The following PITPNC1 variants were observed in gnomAD, a reference collection of about 807,000 sequenced individuals.
The protein encoded by PITPNC1 is phosphatidylinositol transfer protein cytoplasmic 1.
A neutral mutation model predicts 44.7 loss-of-function variants in PITPNC1; 18 were observed. That is an observed-to-expected ratio of 0.40 (90% CI 0.28 to 0.60). The LOEUF is 0.60. Ranked by LOEUF, PITPNC1 falls within the 20% of genes least tolerant of loss-of-function variation. The pLI is 0.39. For synonymous variants in PITPNC1, 141 were observed against 149.6 expected (o/e 0.94, Z 0.42); for missense variants, 290 against 418.4 (o/e 0.69, Z 2.68).
At chr17:67,673,427 T>C (rs904086782) in intron 7 of PITPNC1, among the ~76,000 whole-genome samples, 4 of 152,086 alleles carry the variant, frequency 2.6e-5, no homozygotes, top group African/African-American at 7.2e-5. Flanking sequence ...ACAAATGGTA[T>C]ATACTATTTT....
At chr17:67,523,912 A>G (rs2916128) in intron 1 of PITPNC1, among the ~76,000 whole-genome samples, 84,228 of 150,234 alleles carry the variant, frequency 0.56, 23,913 homozygotes, top group East Asian at 0.76. Context: ...CCCGGGTTCA[A>G]GTGATTCTCC....
At chr17:67,566,235 G>A (rs912110036) in intron 4 of PITPNC1, among the ~76,000 whole-genome samples, 6 of 152,042 alleles carry the variant, frequency 3.9e-5, no homozygotes, top group Admixed American at 3.3e-4. Flanking sequence ...ACAGGGGCTT[G>A]CTCTGTCACC....
chr17:67,571,322 T>C (rs2041054126), intron 4 of PITPNC1, among the ~76,000 whole-genome samples: 1 of 152,146 alleles, frequency 6.6e-6, no homozygotes, highest in Non-Finnish European at 1.5e-5. Context: ...ATCCCAGCTG[T>C]TCAGGAGGCT....
intron 1 of PITPNC1, among the ~76,000 whole-genome samples, chr17:67,452,071 CA>C (rs1219223502): frequency 2.6e-5 from 4 of 152,016 alleles, no homozygotes; most frequent in African/African-American, 9.6e-5. Flanking sequence ...AGAGTGCAAT[CA>C]CAGTTCACTG....
chr17:67,583,865 TTGTGTGTG>T (rs771258752), intron 5 of PITPNC1, among the ~76,000 whole-genome samples: 2 of 118,346 alleles, frequency 1.7e-5, no homozygotes, highest in Non-Finnish European at 3.6e-5. Context: ...CTGGCTAATT[TTGTGTGTG>T]TGTGTGTGTG....
intron 2 of PITPNC1, among the ~76,000 whole-genome samples, chr17:67,546,479 CAT>C (rs2144153919): frequency 6.6e-6 from 1 of 152,196 alleles, no homozygotes; most frequent in East Asian, 1.9e-4. Flanking sequence ...TGTAGGAACT[CAT>C]AGAAACAGAA....
chr17:67,487,218 A>AGGC (rs2039792460), intron 1 of PITPNC1, among the ~76,000 whole-genome samples: 1 of 152,062 alleles, frequency 6.6e-6, no homozygotes, highest in Non-Finnish European at 1.5e-5. Flanking sequence ...TTTGTCACCC[A>AGGC]GGCGGAAGTG....
At chr17:67,587,469 G>C (rs1447325620) in intron 5 of PITPNC1, among the ~76,000 whole-genome samples, 1 of 151,764 alleles carries the variant, frequency 6.6e-6, no homozygotes, top group African/African-American at 2.4e-5. Flanking sequence ...ACTCCAGCCT[G>C]GGCAACAGAG....
intron 1 of PITPNC1, among the ~76,000 whole-genome samples, chr17:67,465,551 C>CT (rs1261966008): frequency 2.0e-5 from 3 of 152,246 alleles, no homozygotes; most frequent in East Asian, 1.9e-4. Flanking sequence ...GCAAAATCAG[C>CT]TTTTTTGTGG....
At chr17:67,489,372 G>A (rs1489630385) in intron 1 of PITPNC1, among the ~76,000 whole-genome samples, 2 of 152,182 alleles carry the variant, frequency 1.3e-5, no homozygotes, top group African/African-American at 2.4e-5. Context: ...AGCACAGAGA[G>A]GATCTCAGAA....
chr17:67,397,663 C>T (rs1186736797), intron 1 of PITPNC1, among the ~76,000 whole-genome samples: 2 of 152,110 alleles, frequency 1.3e-5, no homozygotes, highest in Admixed American at 6.5e-5. Flanking sequence ...TGGCTCAGAC[C>T]GGAGGACTTT....
At chr17:67,471,102 G>C (rs1943901349) in intron 1 of PITPNC1, among the ~76,000 whole-genome samples, 1 of 125,458 alleles carries the variant, frequency 8.0e-6, no homozygotes, top group Non-Finnish European at 1.6e-5. Context: ...GAAAACCAGA[G>C]ACCTTTGTTC....
chr17:67,416,775 A>G (rs2038595385), intron 1 of PITPNC1, among the ~76,000 whole-genome samples: 1 of 152,142 alleles, frequency 6.6e-6, no homozygotes. Flanking sequence ...GTGCCCTTAA[A>G]AGGAAATGCT....
At chr17:67,495,969 G>A (rs2039947166) in intron 1 of PITPNC1, among the ~76,000 whole-genome samples, 1 of 152,196 alleles carries the variant, frequency 6.6e-6, no homozygotes, top group African/African-American at 2.4e-5. Flanking sequence ...TTGGATGTAG[G>A]AAAGTTCATC....
intron 1 of PITPNC1, among the ~76,000 whole-genome samples, chr17:67,443,633 C>CTTTTT (rs5821477): frequency 2.4e-5 from 3 of 122,580 alleles, no homozygotes; most frequent in Non-Finnish European, 3.3e-5. Context: ...GGACACTGGT[C>CTTTTT]TTTTTTTTTT....
intron 5 of PITPNC1, among the ~76,000 whole-genome samples, chr17:67,598,444 C>T (rs12601811): frequency 6.6e-6 from 1 of 152,122 alleles, no homozygotes; most frequent in Admixed American, 6.5e-5. Context: ...CCCCAAATTC[C>T]TATGTTAAAA....
chr17:67,599,034 A>ATATATATATATATATAT (rs1461493250), intron 5 of PITPNC1, among the ~76,000 whole-genome samples: 13 of 35,670 alleles, frequency 3.6e-4, no homozygotes, highest in Non-Finnish European at 4.9e-4. Context: ...ATATATATAT[A>ATATATATATATATATAT]TTTTTTTTTT....
chr17:67,502,764 T>C (rs1014465215), intron 1 of PITPNC1, among the ~76,000 whole-genome samples: 22 of 148,948 alleles, frequency 1.5e-4, no homozygotes, highest in Non-Finnish European at 2.5e-4. Context: ...TATTGTATTG[T>C]ATTGTATTGT....
At chr17:67,420,881 CTA>C (rs1327512630) in intron 1 of PITPNC1, among the ~76,000 whole-genome samples, 4 of 152,182 alleles carry the variant, frequency 2.6e-5, no homozygotes, top group African/African-American at 7.2e-5. Context: ...CTCATACTAA[CTA>C]TATGTGATGG....
Sources: allele counts gnomAD v4.1 joint callset (sites outside exome capture counted in the v4.1 genomes callset), GRCh38; gene constraint gnomAD v4.1.1; transcripts MANE v1.5; gene names NCBI Gene and HGNC (gene_info 2026-07-23, HGNC 2026-07-21).